FGFR2: variants seen among roughly 807,000 people sequenced by gnomAD.
The protein encoded by FGFR2 is fibroblast growth factor receptor 2, also known as BEK fibroblast growth factor receptor.
In FGFR2, 19 loss-of-function variants were observed where a neutral mutation model predicts 95.9. The ratio of observed to expected loss-of-function variants is 0.20; its 90% CI spans 0.14 to 0.29. The LOEUF (loss-of-function observed/expected upper bound fraction) is 0.29, where lower values mean the gene tolerates loss of function less well. Ranked by LOEUF, FGFR2 falls within the 10% of genes least tolerant of loss-of-function variation. The pLI, the probability that FGFR2 is intolerant of heterozygous loss-of-function variation, is 1.00. For synonymous variants in FGFR2, 392 were observed against 393.3 expected (o/e 1.00, Z 0.04); for missense variants, 707 against 1,056.9 (o/e 0.67, Z 4.59).
intron 6 of FGFR2, among the ~76,000 whole-genome samples, chr10:121,534,422 T>G (rs1416563295): frequency 2.1e-5 from 3 of 140,776 alleles, no homozygotes; most frequent in African/African-American, 8.1e-5. Context: ...TGAGATGGAG[T>G]TTCACTCTTG....
intron 5 of FGFR2, among the ~76,000 whole-genome samples, chr10:121,539,754 G>C (rs1853412061): frequency 6.6e-6 from 1 of 152,168 alleles, no homozygotes; most frequent in African/African-American, 2.4e-5. Flanking sequence ...CCATGCCCTG[G>C]GCATTGCAAG....
intron 13 of FGFR2, among the ~76,000 whole-genome samples, chr10:121,495,942 C>T (rs900074138): frequency 2.6e-5 from 4 of 152,184 alleles, no homozygotes; most frequent in Non-Finnish European, 4.4e-5. Context: ...TCAAGTTCCA[C>T]GGTAAGTGGC....
intron 1 of FGFR2, among the ~76,000 whole-genome samples, chr10:121,597,493 C>G (rs1863619052): frequency 6.6e-6 from 1 of 152,242 alleles, no homozygotes; most frequent in Non-Finnish European, 1.5e-5. Flanking sequence ...CCGGCCCCAC[C>G]CCAGCGGCCC....
chr10:121,581,722 A>G (rs1860921287), intron 2 of FGFR2, among the ~76,000 whole-genome samples: 1 of 147,240 alleles, frequency 6.8e-6, no homozygotes, highest in Admixed American at 7.0e-5. Context: ...ACTGCACTCC[A>G]GCCTGGGTGA....
chr10:121,581,761 TAAA>T (rs55911512), intron 2 of FGFR2, among the ~76,000 whole-genome samples: 100 of 62,590 alleles, frequency 1.6e-3, no homozygotes, highest in African/African-American at 4.7e-3. Context: ...ACCCTGCATT[TAAA>T]AAAAAAAAAA....
At chr10:121,587,305 G>A (rs540162156) in intron 2 of FGFR2, among the ~76,000 whole-genome samples, 4 of 152,164 alleles carry the variant, frequency 2.6e-5, no homozygotes, top group South Asian at 2.1e-4. Context: ...ATAAAACCCC[G>A]GAAGACAACT....
intron 2 of FGFR2, among the ~76,000 whole-genome samples, chr10:121,583,102 A>G (rs1424574715): frequency 3.3e-5 from 5 of 152,048 alleles, no homozygotes; most frequent in Non-Finnish European, 5.9e-5. Context: ...TGGCCTTTTC[A>G]TTCTTGGAAT....
Position 121,503,961 on chromosome 10 carries a change from A to G in FGFR2, c.1288-20T>C. On this transcript the variant is annotated intron_variant, in intron 9 of 17. Coordinates refer to ENST00000358487, the MANE Select transcript of FGFR2 (RefSeq NM_000141.5). ...CGAAACCTGGATACAAAATGCAAAG[A>G]CACAGATGTAATCCTGGCTCCATCT... 1 of 1,613,796 alleles carries G rather than the reference A, an allele frequency of 6.2e-7. No homozygotes were observed. The highest frequency in any genetic ancestry group is 8.5e-7 in the Non-Finnish European group (1 of 1,179,870).
intron 2 of FGFR2, among the ~76,000 whole-genome samples, chr10:121,583,038 C>T (rs1249365173): frequency 6.6e-6 from 1 of 152,068 alleles, no homozygotes; most frequent in Admixed American, 6.6e-5. Flanking sequence ...CTTTTTTTCC[C>T]CTAAGGACAC....
chr10:121,538,412 T>C (rs1193962055), intron 6 of FGFR2, 180 bp downstream of exon 6: 2 of 998,342 alleles, frequency 2.0e-6, no homozygotes, highest in Non-Finnish European at 3.2e-6. Context: ...CCTGGCTGCC[T>C]GGAAAACAGA....
At chr10:121,548,674 T>C (rs1001178202) in intron 5 of FGFR2, among the ~76,000 whole-genome samples, 1 of 152,158 alleles carries the variant, frequency 6.6e-6, no homozygotes, top group African/African-American at 2.4e-5. Context: ...TGTACTTATT[T>C]ACAAGGCTGT....
intron 16 of FGFR2, among the ~76,000 whole-genome samples, chr10:121,484,851 T>C (rs1207062704): frequency 1.3e-5 from 2 of 152,144 alleles, no homozygotes; most frequent in Non-Finnish European, 2.9e-5. Context: ...GTTCCTTCGC[T>C]CTGAGGAAAT....
intron 1 of FGFR2, among the ~76,000 whole-genome samples, chr10:121,595,998 G>A (rs1298987239): frequency 6.6e-6 from 1 of 152,214 alleles, no homozygotes; most frequent in African/African-American, 2.4e-5. Context: ...AAAGTATGGT[G>A]CGACCTCCTA....
intron 5 of FGFR2, among the ~76,000 whole-genome samples, chr10:121,549,399 C>G (rs1855042220): frequency 6.6e-6 from 1 of 152,148 alleles, no homozygotes; most frequent in Admixed American, 6.5e-5. Flanking sequence ...ACTGAGGAAT[C>G]CTCCCTACCT....
At chr10:121,500,037 T>G (rs1847388022) in intron 11 of FGFR2, among the ~76,000 whole-genome samples, 1 of 152,168 alleles carries the variant, frequency 6.6e-6, no homozygotes, top group African/African-American at 2.4e-5. Context: ...CCTCTCTGCC[T>G]GGAAACGTGG....
chr10:121,570,128 G>A (rs566947051), intron 2 of FGFR2, among the ~76,000 whole-genome samples: 8 of 143,010 alleles, frequency 5.6e-5, no homozygotes, highest in East Asian at 2.2e-4. Context: ...AGACAACCCC[G>A]GCCAGGGGGC....
At chr10:121,512,127 C>T (rs1487210700) in intron 9 of FGFR2, among the ~76,000 whole-genome samples, 1 of 152,114 alleles carries the variant, frequency 6.6e-6, no homozygotes, top group African/African-American at 2.4e-5. Flanking sequence ...AAAGTGGCCT[C>T]ATAAATGCCT....
Position 121,515,105 on chromosome 10 carries a change from T to G in FGFR2, c.1287+12A>C. 1 of 1,613,530 alleles carries G rather than the reference T, an allele frequency of 6.2e-7. No individual in the cohort carries two copies. The highest frequency in any genetic ancestry group is 2.2e-5 in the East Asian group (1 of 44,874). On this transcript the variant is annotated intron_variant, in intron 9 of 17. Coordinates refer to ENST00000358487, the MANE Select transcript of FGFR2 (RefSeq NM_000141.5). ...GGAGGAGTAAATTTCTTTAAACTCT[T>G]TATCTACTTTCTGTTACCTGTCTCC...
chr10:121,509,469 ATC>A (rs1336870617), intron 9 of FGFR2, among the ~76,000 whole-genome samples: 5 of 80,864 alleles, frequency 6.2e-5, no homozygotes, highest in African/African-American at 1.8e-4. Flanking sequence ...AAACAGTGTT[ATC>A]TGTTTCTTTT....
Sources: allele counts gnomAD v4.1 joint callset (sites outside exome capture counted in the v4.1 genomes callset), GRCh38; gene constraint gnomAD v4.1.1; transcripts MANE v1.5; gene names NCBI Gene and HGNC (gene_info 2026-07-23, HGNC 2026-07-21).